Variants in LIMS1 observed in about 807,000 individuals in gnomAD.
LIMS1 encodes LIM and senescent cell antigen-like-containing domain protein 1.
A neutral mutation model predicts 44.1 loss-of-function variants in LIMS1; 18 were observed. The ratio of observed to expected loss-of-function variants is 0.41; its 90% CI spans 0.28 to 0.61. The LOEUF (loss-of-function observed/expected upper bound fraction) is 0.61, where lower values mean the gene tolerates loss of function less well. Ranked by LOEUF, LIMS1 falls within the 20% of genes least tolerant of loss-of-function variation. The pLI, the probability that LIMS1 is intolerant of heterozygous loss-of-function variation, is 0.32. For synonymous variants in LIMS1, 93 were observed against 149.1 expected (o/e 0.62, Z 2.74); for missense variants, 201 against 422.0 (o/e 0.48, Z 4.59).
At chr2:108,538,916 G>A (rs1028316311) in intron 1 of LIMS1, among the ~76,000 whole-genome samples, 3 of 152,080 alleles carry the variant, frequency 2.0e-5, no homozygotes, top group East Asian at 1.9e-4. Flanking sequence ...GTCTTAGAGC[G>A]GTGTATCTGG....
upstream of LIMS1, chr2:108,534,283 G>GC (rs199762232): frequency 7.5e-4 from 44 of 58,406 alleles, no homozygotes; most frequent in African/African-American, 2.0e-3. Context: ...GCAACGCCCC[G>GC]CCCCCCCGCG....
intron 1 of LIMS1, among the ~76,000 whole-genome samples, chr2:108,557,984 A>G (rs540422256): frequency 1.3e-5 from 2 of 152,370 alleles, no homozygotes; most frequent in South Asian, 4.1e-4. Context: ...TGAAGGGGAA[A>G]TTATGGATAT....
exon 10 of LIMS1, chr2:108,685,952 G>A (rs1441735456): frequency 6.6e-6 from 1 of 152,184 alleles, no homozygotes; most frequent in Non-Finnish European, 1.5e-5. Flanking sequence ...GACTGCTTGT[G>A]TTTGTTTACA....
At chr2:108,673,813 T>C (rs4335908) in intron 5 of LIMS1, 1 of 152,192 alleles carries the variant, frequency 6.6e-6, no homozygotes, top group South Asian at 2.1e-4. Flanking sequence ...GTTTTTCCAA[T>C]CGAAGATCTA....
At chr2:108,554,042 A>G (rs1171055632) in intron 1 of LIMS1, among the ~76,000 whole-genome samples, 2 of 152,210 alleles carry the variant, frequency 1.3e-5, no homozygotes, top group East Asian at 3.8e-4. Flanking sequence ...TGGTAAAATG[A>G]CAAAGCTGAT....
At chr2:108,649,858 C>T (rs776456813) in intron 1 of LIMS1, among the ~76,000 whole-genome samples, 1 of 152,128 alleles carries the variant, frequency 6.6e-6, no homozygotes, top group African/African-American at 2.4e-5. Context: ...AGAAGAAATA[C>T]CTAATGTAGA....
chr2:108,650,945 A>T (rs929645854), intron 1 of LIMS1, among the ~76,000 whole-genome samples: 1 of 152,126 alleles, frequency 6.6e-6, no homozygotes, highest in African/African-American at 2.4e-5. Flanking sequence ...CATTGGGCCT[A>T]TTGCATCATG....
intron 2 of LIMS1, among the ~76,000 whole-genome samples, chr2:108,663,313 G>A (rs112522193): frequency 6.6e-6 from 1 of 151,970 alleles, no homozygotes; most frequent in South Asian, 2.1e-4. Flanking sequence ...GCAGAAACAG[G>A]GTCTTGCCCT....
chr2:108,684,451 AAAAC>A (rs1693203850), exon 10 of LIMS1: 1 of 152,312 alleles, frequency 6.6e-6, no homozygotes, highest in Non-Finnish European at 1.5e-5. Context: ...AAAAACAAGA[AAAAC>A]AAATCTTATA....
rs34386092 is a variant in LIMS1 at position 108,540,193 on chromosome 2, CTTTTTTT to C, written c.32+5616_32+5622del. On this transcript the variant is annotated intron_variant, in intron 1 of 9. Transcript: ENST00000544547. Reference sequence around the variant, plus strand: ...TTAACAGGTGATAAAGTACAGATTCCTTTTTTTTTTTTTTTTTTTTTTTGAGACGGAG... The same window carrying C: ...TTAACAGGTGATAAAGTACAGATTCCTTTTTTTTTTTTTTTTGAGACGGAG... Among the ~76,000 whole-genome samples, 113 of 93,344 alleles carry C rather than the reference CTTTTTTT, an allele frequency of 1.2e-3. 1 individual carries two copies. Among genetic ancestry groups the C allele is most frequent in the South Asian group, 0.011 (28 of 2,508 alleles). The allele number at this position is 93,344 out of a possible 152,430, so 61.2% of individuals were successfully genotyped here. A position where few individuals can be genotyped will look rare whatever the true frequency, so the allele number is the denominator to read the frequency against.
intron 8 of LIMS1, among the ~76,000 whole-genome samples, chr2:108,680,352 C>A (rs184044524): frequency 1.6e-5 from 2 of 128,824 alleles, no homozygotes; most frequent in Non-Finnish European, 3.1e-5. Context: ...GGCAACAGAG[C>A]GAGATTCCGT....
At chr2:108,611,852 T>C (rs896470531) in intron 1 of LIMS1, among the ~76,000 whole-genome samples, 1,726 of 141,314 alleles carry the variant, frequency 0.012, 45 homozygotes, top group African/African-American at 0.043. Flanking sequence ...TATATATATA[T>C]ATACACACAT....
chr2:108,666,629 C>CA (rs1167375687), intron 2 of LIMS1, among the ~76,000 whole-genome samples: 1 of 121,260 alleles, frequency 8.2e-6, no homozygotes, highest in Non-Finnish European at 1.7e-5. Context: ...CCTGTCTCTA[C>CA]AAAAAATAAC....
intron 1 of LIMS1, among the ~76,000 whole-genome samples, chr2:108,569,764 C>CCTT (rs753691810): frequency 1.8e-4 from 20 of 113,122 alleles, no homozygotes; most frequent in South Asian, 6.5e-4. Context: ...CCATATCTGG[C>CCTT]TTTTTTTTTT....
chr2:108,630,356 C>A (rs917274628), intron 1 of LIMS1, among the ~76,000 whole-genome samples: 1 of 152,158 alleles, frequency 6.6e-6, no homozygotes, highest in Non-Finnish European at 1.5e-5. Flanking sequence ...TTATGTCACA[C>A]TTACATGCTG....
intron 1 of LIMS1, among the ~76,000 whole-genome samples, chr2:108,591,411 GT>G (rs1686385489): frequency 6.6e-6 from 1 of 152,088 alleles, no homozygotes; most frequent in South Asian, 2.1e-4. Context: ...GATGTCAGTA[GT>G]TCCGCAAGTT....
At chr2:108,635,792 C>T (rs979553347) in intron 1 of LIMS1, among the ~76,000 whole-genome samples, 7 of 151,010 alleles carry the variant, frequency 4.6e-5, no homozygotes, top group Non-Finnish European at 8.9e-5. Flanking sequence ...TCCTCCCCCC[C>T]GTCTGTTCCT....
chr2:108,648,799 G>A (rs1013631467), intron 1 of LIMS1, among the ~76,000 whole-genome samples: 1 of 152,170 alleles, frequency 6.6e-6, no homozygotes, highest in Non-Finnish European at 1.5e-5. Flanking sequence ...GCTGAAACTA[G>A]ATCCCTTCCT....
intron 1 of LIMS1, among the ~76,000 whole-genome samples, chr2:108,626,435 A>G (rs1194017201): frequency 6.6e-6 from 1 of 152,150 alleles, no homozygotes; most frequent in Admixed American, 6.6e-5. Flanking sequence ...TGCTTTTTAA[A>G]AGTTCATAGT....
Sources: allele counts gnomAD v4.1 joint callset (sites outside exome capture counted in the v4.1 genomes callset), GRCh38; gene constraint gnomAD v4.1.1; transcripts MANE v1.5; gene names NCBI Gene and HGNC (gene_info 2026-07-23, HGNC 2026-07-21).